ANKRD44: variants seen among roughly 807,000 people sequenced by gnomAD.
ANKRD44 encodes ankyrin repeat domain 44, also known as serine/threonine-protein phosphatase 6 regulatory ankyrin repeat subunit B.
ANKRD44 carries 35 observed loss-of-function variants against 116.0 expected under a neutral mutation model. The observed-to-expected ratio is 0.30, with a 90% CI of 0.23 to 0.40. The LOEUF (loss-of-function observed/expected upper bound fraction) is 0.40, where lower values mean the gene tolerates loss of function less well. ANKRD44 is among the 10% of genes least tolerant of loss of function. The probability of loss-of-function intolerance (pLI) is 1.00; values close to 1 mark genes in which losing one functional copy is unlikely to be tolerated. For missense variants in ANKRD44, 1,014 were observed against 1,242.6 expected, an observed-to-expected ratio of 0.82 and a Z score of 2.77; for synonymous variants, 435 against 461.8, an observed-to-expected ratio of 0.94 and a Z score of 0.74.
At chr2:197,189,914 G>A (rs1207773762) in intron 1 of ANKRD44, among the ~76,000 whole-genome samples, 2 of 152,136 alleles carry the variant, frequency 1.3e-5, no homozygotes, top group Admixed American at 6.5e-5. Flanking sequence ...CATTCACTCC[G>A]TCCTCACACT....
Position 197,287,671 on chromosome 2 carries a change from ATTTTCTATTTAGGAGATC to A in ANKRD44, c.27+22889_27+22906del, listed in dbSNP as rs556788883. 8.3e-4 allele frequency among the ~76,000 whole-genome samples: 127 copies of A among 152,250 alleles called. 2 individuals are homozygous for A. In the East Asian group the frequency reaches 0.019, roughly 23 times the overall value. ...AAGTAACTGCTGAGATATAATACCT[ATTTTCTATTTAGGAGATC>A]TGGGGACTTCTTAGCTAATTCAGGA... On this transcript the variant is annotated intron_variant, in intron 1 of 27. Coordinates refer to ENST00000282272, the MANE Select transcript of ANKRD44 (RefSeq NM_001195144.2).
At chr2:197,188,213 T>C (rs759320721) in intron 1 of ANKRD44, among the ~76,000 whole-genome samples, 1 of 152,086 alleles carries the variant, frequency 6.6e-6, no homozygotes, top group Non-Finnish European at 1.5e-5. Flanking sequence ...CAGCATGCAG[T>C]AGAAGGATCT....
At chr2:197,226,154 T>C (rs2125746515) in intron 1 of ANKRD44, among the ~76,000 whole-genome samples, 1 of 152,358 alleles carries the variant, frequency 6.6e-6, no homozygotes. Flanking sequence ...GTGTCATCTA[T>C]AAATCCCTTG....
At chr2:197,181,825 A>G (rs908495895) in intron 2 of ANKRD44, among the ~76,000 whole-genome samples, 1 of 152,216 alleles carries the variant, frequency 6.6e-6, no homozygotes, top group African/African-American at 2.4e-5. Context: ...TTACAACCAC[A>G]TGACATAATG....
chr2:197,172,371 G>A (rs1472426217), intron 2 of ANKRD44, among the ~76,000 whole-genome samples: 1 of 152,054 alleles, frequency 6.6e-6, no homozygotes, highest in South Asian at 2.1e-4. Context: ...AAGCTCTCCC[G>A]CCACCACCAA....
chr2:197,309,026 G>A (rs193146362), intron 1 of ANKRD44, among the ~76,000 whole-genome samples: 10 of 152,320 alleles, frequency 6.6e-5, no homozygotes, highest in Admixed American at 5.9e-4. Flanking sequence ...ATCATCCTTA[G>A]AGTCCTTACA....
In ANKRD44 at chr2:196,995,812, A is replaced by G. The variant is rs528804910; in HGVS notation, c.2749-351T>C. Among the ~76,000 whole-genome samples the G allele has an allele frequency of 5.9e-5, 9 of 152,338 alleles. No individual in the cohort carries two copies. The South Asian group carries it at 1.9e-3, about 32-fold the overall frequency. On this transcript the variant is annotated intron_variant, in intron 25 of 27. Transcript: ENST00000282272. ...AGGAATACTGTCTGAATCCTATAAC[A>G]TTTAGCATACATCAAAAGTCCCACC...
chr2:197,219,045 G>T (rs1401058520), intron 1 of ANKRD44, among the ~76,000 whole-genome samples: 8 of 148,098 alleles, frequency 5.4e-5, no homozygotes, highest in African/African-American at 2.0e-4. Flanking sequence ...TTACAAGTGT[G>T]AGCCACCATG....
At chr2:197,078,264 A>C (rs1409208784) in intron 16 of ANKRD44, 1 of 164,030 alleles carries the variant, frequency 6.1e-6, no homozygotes, top group Non-Finnish European at 1.3e-5. Context: ...GTGACAGTAG[A>C]AAGCCTTCAC....
chr2:197,210,181 C>G (rs1449175799), intron 1 of ANKRD44, among the ~76,000 whole-genome samples: 4 of 152,184 alleles, frequency 2.6e-5, no homozygotes, highest in African/African-American at 4.8e-5. Flanking sequence ...TTGGGTGTTT[C>G]GAATGGAGAC....
chr2:196,975,273 A>T (rs2075748592), intron 21 of ANKRD44, among the ~76,000 whole-genome samples: 1 of 152,220 alleles, frequency 6.6e-6, no homozygotes. Flanking sequence ...AGAAATAGAT[A>T]ATAGATCTCT....
chr2:197,046,610 C>T (rs2077005609), intron 16 of ANKRD44, among the ~76,000 whole-genome samples: 1 of 148,180 alleles, frequency 6.7e-6, no homozygotes, highest in Non-Finnish European at 1.5e-5. Context: ...CGTGCCACTG[C>T]ACTCCAGCCT....
Position 197,018,072 on chromosome 2 carries a change from G to A in ANKRD44, c.1723-4360C>T, listed in dbSNP as rs139055395. Among the ~76,000 whole-genome samples, 559 of 152,220 alleles carry A rather than the reference G, an allele frequency of 3.7e-3. 1 individual carries two copies. The highest frequency in any genetic ancestry group is 5.3e-3 in the Non-Finnish European group (359 of 68,024). ...CATTTCTATTCTTTCTTTAAAATACGTCCAGAATCTGTCTTCTTCTCACCG... is the reference window on the plus strand; with the variant it reads ...CATTTCTATTCTTTCTTTAAAATACATCCAGAATCTGTCTTCTTCTCACCG... On this transcript the variant is annotated intron_variant, in intron 17 of 27. Coordinates refer to ENST00000282272, the MANE Select transcript of ANKRD44 (RefSeq NM_001195144.2).
intron 16 of ANKRD44, among the ~76,000 whole-genome samples, chr2:197,027,349 C>T (rs2076615589): frequency 1.3e-5 from 2 of 152,016 alleles, no homozygotes; most frequent in African/African-American, 4.8e-5. Flanking sequence ...GCAACAGAGC[C>T]AGACTCTGTC....
intron 1 of ANKRD44, among the ~76,000 whole-genome samples, chr2:197,305,185 GAA>G (rs202213070): frequency 6.6e-6 from 1 of 151,282 alleles, no homozygotes; most frequent in African/African-American, 2.4e-5. Context: ...GATGTGTCAG[GAA>G]AAAAAACAAA....
Position 197,139,890 on chromosome 2 carries a change from G to A in ANKRD44, c.191-3228C>T, listed in dbSNP as rs2079317117. ...TGTGTGTGTGTGTGTGTGTGTGTGT[G>A]TGTGTGTGAAACGGAGTCTTGCTCT... On this transcript the variant is annotated intron_variant, in intron 3 of 27. Transcript: ENST00000282272. Among the ~76,000 whole-genome samples, 7 of 143,936 alleles carry A rather than the reference G, an allele frequency of 4.9e-5. No individual in the cohort carries two copies. The South Asian group carries it at 1.5e-3, about 32-fold the overall frequency. 94.4% of individuals were successfully genotyped at this position (143,936 alleles called of 152,430 possible). A position where few individuals can be genotyped will look rare whatever the true frequency, so the allele number is the denominator to read the frequency against.
At chr2:197,150,212 A>C (rs1254165625) in intron 2 of ANKRD44, among the ~76,000 whole-genome samples, 1 of 152,112 alleles carries the variant, frequency 6.6e-6, no homozygotes, top group Non-Finnish European at 1.5e-5. Context: ...GATGCCAAAG[A>C]ATTAGGTGTC....
chr2:196,979,332 A>G (rs373512344), intron 21 of ANKRD44, among the ~76,000 whole-genome samples: 1,991 of 148,458 alleles, frequency 0.013, 31 homozygotes, highest in African/African-American at 0.04. Flanking sequence ...GCAGTGAGCC[A>G]AGATCGCGCC....
intron 1 of ANKRD44, among the ~76,000 whole-genome samples, chr2:197,234,641 T>C (rs912179476): frequency 2.6e-5 from 4 of 152,244 alleles, no homozygotes; most frequent in African/African-American, 9.6e-5. Flanking sequence ...GGTTTTCTGT[T>C]AGGTAAACAC....
Sources: allele counts gnomAD v4.1 joint callset (sites outside exome capture counted in the v4.1 genomes callset), GRCh38; gene constraint gnomAD v4.1.1; transcripts MANE v1.5; gene names NCBI Gene and HGNC (gene_info 2026-07-23, HGNC 2026-07-21).